Variants in CPNE8 observed in about 807,000 individuals in gnomAD.
CPNE8 encodes the protein copine-8.
A neutral mutation model predicts 81.5 loss-of-function variants in CPNE8; 45 were observed. The ratio of observed to expected loss-of-function variants is 0.55; its 90% CI spans 0.44 to 0.71. The LOEUF is 0.71. Among genes scored for constraint, CPNE8 ranks in the 30% least tolerant of loss-of-function variants. CPNE8 has a pLI of 0.00. For missense variants in CPNE8, 594 were observed against 672.1 expected, an observed-to-expected ratio of 0.88 and a Z score of 1.28; for synonymous variants, 252 against 226.3, an observed-to-expected ratio of 1.11 and a Z score of -1.02.
At chr12:38,773,349 G>T (rs767096126) in intron 7 of CPNE8, among the ~76,000 whole-genome samples, 1 of 152,060 alleles carries the variant, frequency 6.6e-6, no homozygotes, top group Non-Finnish European at 1.5e-5. Context: ...TAAATAAGCA[G>T]GGTAGGGGGA....
intron 6 of CPNE8, among the ~76,000 whole-genome samples, chr12:38,798,551 A>G (rs531603264): frequency 3.3e-5 from 5 of 152,294 alleles, no homozygotes; most frequent in East Asian, 1.9e-4. Flanking sequence ...TGAAGGAAGC[A>G]CTAAACATGG....
At chr12:38,881,003 G>A (rs1465563973) in intron 1 of CPNE8, among the ~76,000 whole-genome samples, 2 of 152,112 alleles carry the variant, frequency 1.3e-5, no homozygotes, top group African/African-American at 4.8e-5. Context: ...GAGGTCAGGA[G>A]ATTGAGACCA....
At chr12:38,670,600 G>T in intron 19 of CPNE8, 129 bp downstream of exon 19, 1 of 593,366 alleles carries the variant, frequency 1.7e-6, no homozygotes, top group Non-Finnish European at 2.9e-6. Flanking sequence ...AATATATTTA[G>T]TTTTTGTTGA....
chr12:38,706,935 T>A (rs1451708262), intron 13 of CPNE8, among the ~76,000 whole-genome samples: 2 of 152,184 alleles, frequency 1.3e-5, no homozygotes, highest in East Asian at 3.8e-4. Flanking sequence ...GCAAACGTCC[T>A]CTCAAAGACA....
chr12:38,751,704 A>G (rs1023285063), intron 10 of CPNE8, among the ~76,000 whole-genome samples: 1 of 150,180 alleles, frequency 6.7e-6, no homozygotes, highest in Non-Finnish European at 1.5e-5. Flanking sequence ...ATAAAAAAAT[A>G]TATATATTTA....
At chr12:38,731,320 A>G (rs1436587196) in intron 10 of CPNE8, among the ~76,000 whole-genome samples, 1 of 151,972 alleles carries the variant, frequency 6.6e-6, no homozygotes, top group Admixed American at 6.6e-5. Context: ...ATTCCTTGCC[A>G]TAAAACTGAA....
At chr12:38,679,784 C>T in intron 16 of CPNE8, 1 of 594,408 alleles carries the variant, frequency 1.7e-6, no homozygotes, top group Non-Finnish European at 2.1e-6. Flanking sequence ...AAAGTATTAT[C>T]ATTTCTTCTC....
intron 13 of CPNE8, among the ~76,000 whole-genome samples, chr12:38,709,063 C>T (rs550438140): frequency 6.6e-6 from 1 of 152,162 alleles, no homozygotes; most frequent in South Asian, 2.1e-4. Flanking sequence ...AGTTGGGATG[C>T]CCACCTAACA....
intron 8 of CPNE8, among the ~76,000 whole-genome samples, chr12:38,767,392 T>C (rs1592071769): frequency 6.6e-6 from 1 of 152,106 alleles, no homozygotes; most frequent in African/African-American, 2.4e-5. Flanking sequence ...AATGTTATAA[T>C]TGTATAACAA....
intron 11 of CPNE8, among the ~76,000 whole-genome samples, chr12:38,729,616 G>A (rs1355646494): frequency 6.6e-6 from 1 of 151,900 alleles, no homozygotes; most frequent in Non-Finnish European, 1.5e-5. Flanking sequence ...AACCTGGAAG[G>A]GAAGTATTAC....
intron 16 of CPNE8, 121 bp from the exon 17 acceptor site, chr12:38,677,675 G>A: frequency 6.3e-6 from 4 of 637,044 alleles, no homozygotes; most frequent in Non-Finnish European, 1.1e-5. Context: ...ACATGTTAGA[G>A]GTATATCTTA....
chr12:38,892,429 G>A (rs1944326082), intron 1 of CPNE8, among the ~76,000 whole-genome samples: 1 of 152,190 alleles, frequency 6.6e-6, no homozygotes, highest in Non-Finnish European at 1.5e-5. Flanking sequence ...TGAAGAAGAG[G>A]AAAAATGATT....
intron 6 of CPNE8, among the ~76,000 whole-genome samples, chr12:38,784,638 C>T (rs1308668698): frequency 1.3e-5 from 2 of 152,042 alleles, no homozygotes; most frequent in African/African-American, 2.4e-5. Context: ...GAGAAAGAAA[C>T]AAACACCACA....
intron 5 of CPNE8, 60 bp downstream of exon 5, chr12:38,839,856 T>C: frequency 7.3e-7 from 1 of 1,375,358 alleles, no homozygotes; most frequent in Non-Finnish European, 9.8e-7. Context: ...TATTAATAAG[T>C]CAGCATAAGT....
intron 3 of CPNE8, among the ~76,000 whole-genome samples, chr12:38,860,004 C>CA (rs1943805804): frequency 6.6e-6 from 1 of 151,910 alleles, no homozygotes; most frequent in Admixed American, 6.6e-5. Context: ...GGTCTTGGGC[C>CA]ATGAATTCTT....
chr12:38,839,810 C>A, intron 5 of CPNE8, 106 bp downstream of exon 5: 1 of 1,009,836 alleles, frequency 9.9e-7, no homozygotes. Flanking sequence ...ATGACAATCA[C>A]GTTACATGAA....
At chr12:38,738,187 G>C (rs1324903835) in intron 10 of CPNE8, among the ~76,000 whole-genome samples, 1 of 74,606 alleles carries the variant, frequency 1.3e-5, no homozygotes, top group African/African-American at 3.1e-5. Flanking sequence ...ACTGCAAAGG[G>C]TAAGTCACAA....
At position 38,864,264 on chromosome 12, in the gene CPNE8, CTGGTTT is replaced by C. The variant is rs1943884595; in HGVS notation, c.186+8734_186+8739del. 2.0e-5 allele frequency among the ~76,000 whole-genome samples: 3 copies of C among 152,230 alleles called. No homozygotes were observed. The South Asian group carries it at 6.2e-4, about 32-fold the overall frequency. Reference sequence around the variant, plus strand: ...CCCATAGGCCAAATCTGGCCTGCTGCTGGTTTTTGTAAGTTAAGTTTCACTGAAGCA... The same window carrying C: ...CCCATAGGCCAAATCTGGCCTGCTGCTTGTAAGTTAAGTTTCACTGAAGCA... On this transcript the variant is annotated intron_variant, in intron 3 of 19. Coordinates refer to ENST00000331366, the MANE Select transcript of CPNE8 (RefSeq NM_153634.3).
At chr12:38,756,352 C>CTTT (rs5797594) in intron 10 of CPNE8, among the ~76,000 whole-genome samples, 25 of 135,156 alleles carry the variant, frequency 1.8e-4, no homozygotes, top group African/African-American at 5.8e-4. Flanking sequence ...GCATTTTCCA[C>CTTT]TTTTTTTTTT....
Sources: gnomAD v4.1 joint callset for allele counts (sites outside exome capture counted in the v4.1 genomes callset) on GRCh38, gnomAD v4.1.1 for gene constraint, MANE v1.5 for transcripts, NCBI Gene and HGNC (gene_info 2026-07-23, HGNC 2026-07-21) for gene names.